Variants in METTL15 observed in about 807,000 individuals in gnomAD.
METTL15 encodes methyltransferase 15, mitochondrial 12S rRNA N4-cytidine.
In METTL15, 34 loss-of-function variants were observed where a neutral mutation model predicts 38.3. That is an observed-to-expected ratio of 0.89 (90% CI 0.68 to 1.18). The LOEUF (loss-of-function observed/expected upper bound fraction) is 1.18. Ranked by LOEUF, METTL15 falls within the 50% of genes most tolerant of loss-of-function variation. METTL15 has a pLI of 0.00. For synonymous variants in METTL15, 162 were observed against 170.9 expected (o/e 0.95, Z 0.41); for missense variants, 438 against 498.4 (o/e 0.88, Z 1.15).
At chr11:28,199,679 A>G (rs930354781) in intron 3 of METTL15, among the ~76,000 whole-genome samples, 1 of 151,694 alleles carries the variant, frequency 6.6e-6, no homozygotes, top group African/African-American at 2.4e-5. Context: ...GCTCCAATAT[A>G]CTCATCTGTA....
At chr11:28,451,278 A>C (rs1851118084) in intron 6 of METTL15, among the ~76,000 whole-genome samples, 1 of 152,088 alleles carries the variant, frequency 6.6e-6, no homozygotes, top group African/African-American at 2.4e-5. Flanking sequence ...AAAGGAAAGG[A>C]AAATTAATTT....
At chr11:28,283,229 A>G (rs1293921192) in intron 4 of METTL15, among the ~76,000 whole-genome samples, 2 of 152,176 alleles carry the variant, frequency 1.3e-5, no homozygotes, top group South Asian at 2.1e-4. Context: ...AACAGATTTT[A>G]TATTTTTAAA....
chr11:28,109,221 A>G (rs1474402729), intron 1 of METTL15, among the ~76,000 whole-genome samples: 3 of 152,306 alleles, frequency 2.0e-5, no homozygotes, highest in Non-Finnish European at 4.4e-5. Context: ...TATGTGATGC[A>G]TGTTATATTA....
chr11:28,234,638 T>A (rs1294575537), intron 4 of METTL15, among the ~76,000 whole-genome samples: 1 of 150,158 alleles, frequency 6.7e-6, no homozygotes, highest in African/African-American at 2.4e-5. Flanking sequence ...CTTCACCCAC[T>A]TTTTGATGGG....
chr11:28,324,825 A>G (rs771532117), intron 6 of METTL15, among the ~76,000 whole-genome samples: 2 of 152,200 alleles, frequency 1.3e-5, no homozygotes, highest in Non-Finnish European at 1.5e-5. Context: ...GAGTGGGTGG[A>G]TAAGTAGAAA....
Position 28,332,317 on chromosome 11 carries a change from T to C in METTL15, c.*1476T>C, listed in dbSNP as rs931876323. 5 of 152,266 alleles carry C rather than the reference T, an allele frequency of 3.3e-5. No homozygotes were observed. The highest frequency in any genetic ancestry group is 2.1e-4 in the South Asian group (1 of 4,820). 9.4% of individuals were successfully genotyped at this position (152,266 alleles called of 1,614,324 possible). On this transcript the variant is annotated 3_prime_UTR_variant, in exon 7 of 7. Coordinates refer to ENST00000407364, the MANE Select transcript of METTL15 (RefSeq NM_001113528.2). ...GAATCCTACTTGAACATTGTATAAA[T>C]TTCTCTTTGCATATAATACATATTT...
intron 4 of METTL15, among the ~76,000 whole-genome samples, chr11:28,237,621 C>G (rs1035039457): frequency 1.3e-5 from 2 of 152,238 alleles, no homozygotes; most frequent in African/African-American, 4.8e-5. Context: ...CATTCTCCGT[C>G]CAGCTTTGTT....
chr11:28,478,564 T>G (rs1851366978), intron 6 of METTL15, among the ~76,000 whole-genome samples: 1 of 152,182 alleles, frequency 6.6e-6, no homozygotes, highest in Non-Finnish European at 1.5e-5. Flanking sequence ...AACTTTTTTA[T>G]GTCTCAAATG....
chr11:28,167,952 T>C (rs1391934786), intron 3 of METTL15, among the ~76,000 whole-genome samples: 1 of 152,158 alleles, frequency 6.6e-6, no homozygotes, highest in Non-Finnish European at 1.5e-5. Context: ...AACCTTTTTA[T>C]ATTCTAAAAG....
chr11:28,175,992 G>T (rs992408060), intron 3 of METTL15, among the ~76,000 whole-genome samples: 2 of 151,742 alleles, frequency 1.3e-5, no homozygotes, highest in African/African-American at 4.8e-5. Context: ...TTTTGCTGTA[G>T]GGAGGTCAAT....
intron 3 of METTL15, among the ~76,000 whole-genome samples, chr11:28,195,148 C>T (rs1234751906): frequency 6.6e-6 from 1 of 152,056 alleles, no homozygotes; most frequent in African/African-American, 2.4e-5. Context: ...GCGAATTGTA[C>T]TGCAATAAAC....
chr11:28,325,123 G>A (rs1199676437), intron 6 of METTL15, among the ~76,000 whole-genome samples: 1 of 152,034 alleles, frequency 6.6e-6, no homozygotes, highest in African/African-American at 2.4e-5. Flanking sequence ...TCTTTCTCTG[G>A]GTGGCTGCAC....
chr11:28,409,727 G>A (rs1235108806), intron 5 of METTL15, among the ~76,000 whole-genome samples: 3 of 151,982 alleles, frequency 2.0e-5, no homozygotes, highest in African/African-American at 7.2e-5. Flanking sequence ...TTATAGAGGA[G>A]CTAGAAAAAG....
intron 6 of METTL15, among the ~76,000 whole-genome samples, chr11:28,316,981 A>G (rs2134037899): frequency 6.6e-6 from 1 of 152,340 alleles, no homozygotes; most frequent in Admixed American, 6.5e-5. Context: ...GTGAAAATGG[A>G]CTAATACAGT....
chr11:28,292,194 G>T (rs889943784), intron 5 of METTL15, among the ~76,000 whole-genome samples: 14 of 144,860 alleles, frequency 9.7e-5, no homozygotes, highest in Admixed American at 1.4e-4. Flanking sequence ...ATCTCCTAAT[G>T]CTATCCCTCC....
intron 4 of METTL15, among the ~76,000 whole-genome samples, chr11:28,273,022 T>C (rs1435162469): frequency 6.6e-6 from 1 of 152,176 alleles, no homozygotes; most frequent in African/African-American, 2.4e-5. Context: ...GATAAAAATG[T>C]TTACATTATA....
chr11:28,219,972 T>A (rs1442734365), intron 4 of METTL15, among the ~76,000 whole-genome samples: 1 of 152,220 alleles, frequency 6.6e-6, no homozygotes, highest in Non-Finnish European at 1.5e-5. Context: ...ATGAGTGCTT[T>A]ATTTCCAACT....
At chr11:28,257,429 C>G (rs775117119) in intron 4 of METTL15, among the ~76,000 whole-genome samples, 5 of 152,154 alleles carry the variant, frequency 3.3e-5, no homozygotes, top group Non-Finnish European at 7.4e-5. Context: ...TTGATATCTT[C>G]CTCGAGATTT....
chr11:28,151,462 A>G (rs1850086789), intron 3 of METTL15, among the ~76,000 whole-genome samples: 1 of 151,882 alleles, frequency 6.6e-6, no homozygotes, highest in African/African-American at 2.4e-5. Context: ...CTTTACCACC[A>G]GGCCCATTTT....
Sources: gnomAD v4.1 joint callset for allele counts (sites outside exome capture counted in the v4.1 genomes callset) on GRCh38, gnomAD v4.1.1 for gene constraint, MANE v1.5 for transcripts, NCBI Gene and HGNC (gene_info 2026-07-23, HGNC 2026-07-21) for gene names.